Variants in WDR45B observed in about 807,000 individuals in gnomAD.
WDR45B encodes WD repeat domain 45B, also known as WD repeat domain phosphoinositide-interacting protein 3.
In WDR45B, 20 loss-of-function variants were observed where a neutral mutation model predicts 44.6. That is an observed-to-expected ratio of 0.45 (90% CI 0.32 to 0.65). The LOEUF (loss-of-function observed/expected upper bound fraction) is 0.65. Ranked by LOEUF, WDR45B falls within the 30% of genes least tolerant of loss-of-function variation. The probability of loss-of-function intolerance (pLI) is 0.05; values close to 1 mark genes in which losing one functional copy is unlikely to be tolerated. For missense variants in WDR45B, 323 were observed against 430.2 expected (o/e 0.75, Z 2.20); for synonymous variants, 169 against 164.9 (o/e 1.02, Z -0.19).
intron 2 of WDR45B, among the ~76,000 whole-genome samples, chr17:82,631,855 C>T (rs1219010639): frequency 2.0e-5 from 3 of 151,942 alleles, no homozygotes; most frequent in Admixed American, 6.6e-5. Flanking sequence ...GAGGCTGAGG[C>T]GGGCAGATGA....
At chr17:82,621,568 T>C in intron 6 of WDR45B, 41 bp downstream of exon 6, 1 of 1,612,508 alleles carries the variant, frequency 6.2e-7, no homozygotes, top group Non-Finnish European at 8.5e-7. Context: ...AGCCTGCTGC[T>C]CCAGGAGGCA....
At chr17:82,634,150 C>CAAAAAAAAAAAAAAAAAAAAA (rs36183298) in intron 2 of WDR45B, among the ~76,000 whole-genome samples, 8 of 31,908 alleles carry the variant, frequency 2.5e-4, no homozygotes, top group Admixed American at 5.2e-4. Flanking sequence ...GACTCCATCT[C>CAAAAAAAAAAAAAAAAAAAAA]AAAAAAAAAA....
chr17:82,626,885 A>C, intron 4 of WDR45B: 1 of 402,546 alleles, frequency 2.5e-6, no homozygotes, highest in Non-Finnish European at 4.6e-6. Flanking sequence ...TTCAAGGCTC[A>C]AAACTCATGT....
At chr17:82,637,336 AC>A (rs1430513713) in intron 2 of WDR45B, among the ~76,000 whole-genome samples, 3 of 151,862 alleles carry the variant, frequency 2.0e-5, no homozygotes, top group Non-Finnish European at 4.4e-5. Flanking sequence ...CTTGAGGTAC[AC>A]CCCAGTCCTT....
intron 5 of WDR45B, among the ~76,000 whole-genome samples, 154 bp from the exon 6 acceptor site, chr17:82,621,953 TAA>T (rs140215995): frequency 0.02 from 3,079 of 152,178 alleles, 110 homozygotes; most frequent in African/African-American, 0.068. Context: ...TCATTGTAAA[TAA>T]AGAGTATGAG....
chr17:82,627,426 C>A, intron 3 of WDR45B, 135 bp from the exon 4 acceptor site: 1 of 754,064 alleles, frequency 1.3e-6, no homozygotes. Context: ...GCCTCAGACA[C>A]ACACCCGCAC....
chr17:82,639,590 G>A (rs191088844), intron 2 of WDR45B, among the ~76,000 whole-genome samples: 4 of 152,184 alleles, frequency 2.6e-5, no homozygotes, highest in East Asian at 3.9e-4. Context: ...CACCTGGCAC[G>A]CTGGGTGAGC....
In WDR45B at chr17:82,622,292, C is replaced by T. The variant is rs572402604; in HGVS notation, c.428-493G>A. 2.6e-5 allele frequency among the ~76,000 whole-genome samples: 4 copies of T among 152,242 alleles called. No homozygotes were observed. In the East Asian group the frequency reaches 7.7e-4, roughly 29 times the overall value. On this transcript the variant is annotated intron_variant, in intron 5 of 9. Coordinates refer to ENST00000392325, the MANE Select transcript of WDR45B (RefSeq NM_019613.4). ...TCTGAGAGAGAGCTGGTCTTGTGAT[C>T]GTGGGCTGGAAGATTGGCTATTACT...
chr17:82,627,113 A>C (rs1427030726), intron 4 of WDR45B, 91 bp downstream of exon 4: 40 of 1,061,828 alleles, frequency 3.8e-5, no homozygotes, highest in Non-Finnish European at 4.8e-5. Context: ...ATCATTTCCT[A>C]AACATTTTTC....
At chr17:82,637,988 A>G (rs988376508) in intron 2 of WDR45B, among the ~76,000 whole-genome samples, 3 of 151,280 alleles carry the variant, frequency 2.0e-5, no homozygotes, top group African/African-American at 7.3e-5. Flanking sequence ...AGCCTGGTCA[A>G]CGTGGTGAAA....
intron 1 of WDR45B, among the ~76,000 whole-genome samples, chr17:82,648,013 G>C (rs538454229): frequency 2.3e-5 from 3 of 129,072 alleles, no homozygotes; most frequent in African/African-American, 8.5e-5. Flanking sequence ...GGCCGGCTGG[G>C]AGCGGTCACA....
intron 2 of WDR45B, among the ~76,000 whole-genome samples, chr17:82,643,192 T>C (rs536055315): frequency 3.9e-5 from 6 of 152,246 alleles, no homozygotes; most frequent in African/African-American, 1.4e-4. Context: ...CCCAGCACTT[T>C]GAGAGGCCGA....
intron 7 of WDR45B, 117 bp from the exon 8 acceptor site, chr17:82,617,514 C>A: frequency 1.0e-6 from 1 of 991,462 alleles, no homozygotes; most frequent in Non-Finnish European, 1.6e-6. Flanking sequence ...CTGGAGGTGC[C>A]AATTCTGAAT....
intron 2 of WDR45B, among the ~76,000 whole-genome samples, chr17:82,634,012 G>A (rs1160822200): frequency 1.3e-5 from 2 of 151,664 alleles, no homozygotes; most frequent in Admixed American, 6.6e-5. Context: ...TTAGCCAGGC[G>A]TGGTGGCAGG....
intron 2 of WDR45B, among the ~76,000 whole-genome samples, chr17:82,635,241 C>T (rs554188826): frequency 6.6e-6 from 1 of 151,678 alleles, no homozygotes; most frequent in Non-Finnish European, 1.5e-5. Context: ...GTAACTATTT[C>T]CTCAATGTAG....
intron 2 of WDR45B, among the ~76,000 whole-genome samples, chr17:82,635,921 C>A (rs1479493379): frequency 6.6e-6 from 1 of 151,670 alleles, no homozygotes; most frequent in East Asian, 1.9e-4. Context: ...ACCCCCGTCT[C>A]TACTAAAAAT....
chr17:82,616,643 A>C lies in WDR45B; in HGVS notation c.809T>G (p.Leu270Trp). The C allele has an allele frequency of 6.2e-7, 1 of 1,614,232 alleles. No homozygotes were observed. Among genetic ancestry groups the C allele is most frequent in the East Asian group, 2.2e-5 (1 of 44,880 alleles). The part of the protein sequence containing the change: ...EDPKRNKQSS[L>W]ASASFLPKYF... ...TTTTGGAAGGAAACTGGCTGAGGCC[A>C]AACTGTGAAGACAAGAAAAGAAAGG... The change falls in exon 9 of 10, where the codon TTG (leucine) becomes TGG (tryptophan). Residue 270 changes from leucine to tryptophan, a missense_variant and splice_region_variant. Leu to Trp is a moderately conservative substitution (Grantham distance 61). Transcript: ENST00000392325.
Position 82,615,736 on chromosome 17 carries a change from G to A in WDR45B, c.*183C>T, listed in dbSNP as rs1598255051. The A allele has an allele frequency of 3.2e-6, 2 of 630,368 alleles. No individual in the cohort carries two copies. The highest frequency in any genetic ancestry group is 1.8e-5 in the South Asian group (1 of 56,446). 39.0% of individuals were successfully genotyped at this position (630,368 alleles called of 1,614,324 possible). A position where few individuals can be genotyped will look rare whatever the true frequency, so the allele number is the denominator to read the frequency against. On this transcript the variant is annotated 3_prime_UTR_variant, in exon 10 of 10. Coordinates refer to ENST00000392325, the MANE Select transcript of WDR45B (RefSeq NM_019613.4). Reference sequence around the variant, plus strand: ...GAGTTACCTACGGTGCCTTGATGATGATTCTCTCTTTAATACTGGAAATGG... The same window carrying A: ...GAGTTACCTACGGTGCCTTGATGATAATTCTCTCTTTAATACTGGAAATGG...
chr17:82,640,243 C>T (rs943799463), intron 2 of WDR45B, among the ~76,000 whole-genome samples: 1 of 152,202 alleles, frequency 6.6e-6, no homozygotes, highest in Non-Finnish European at 1.5e-5. Context: ...AGCCCAGATC[C>T]AGGACACACT....
Sources: gnomAD v4.1 joint callset for allele counts (sites outside exome capture counted in the v4.1 genomes callset) on GRCh38, gnomAD v4.1.1 for gene constraint, MANE v1.5 for transcripts, NCBI Gene and HGNC (gene_info 2026-07-23, HGNC 2026-07-21) for gene names.